ZFHX3: variants seen among roughly 807,000 people sequenced by gnomAD.
ZFHX3 encodes zinc finger homeobox protein 3.
ZFHX3 carries 42 observed loss-of-function variants against 279.1 expected under a neutral mutation model. The ratio of observed to expected loss-of-function variants is 0.15; its 90% CI spans 0.12 to 0.19. The LOEUF (loss-of-function observed/expected upper bound fraction) is 0.19, where lower values mean the gene tolerates loss of function less well. Among genes scored for constraint, ZFHX3 ranks in the 10% least tolerant of loss-of-function variants. The pLI is 1.00. For missense variants in ZFHX3, 4,981 were observed against 4,754.0 expected (o/e 1.05, Z -1.40); for synonymous variants, 2,293 against 1,957.8 (o/e 1.17, Z -4.52).
chr16:73,396,263 T>C (rs1334940768), intron 3 of ZFHX3, among the ~76,000 whole-genome samples: 3 of 152,230 alleles, frequency 2.0e-5, no homozygotes, highest in African/African-American at 4.8e-5. Context: ...CCATGATAAC[T>C]GAAGATTGGC....
intron 3 of ZFHX3, among the ~76,000 whole-genome samples, chr16:72,892,974 G>A (rs1331808516): frequency 3.9e-5 from 6 of 152,074 alleles, no homozygotes; most frequent in Admixed American, 6.6e-5. Flanking sequence ...GCTAGCCCAC[G>A]TCCCTTCCCC....
chr16:73,724,603 C>A (rs1361045637), intron 1 of ZFHX3, among the ~76,000 whole-genome samples: 1 of 152,194 alleles, frequency 6.6e-6, no homozygotes, highest in African/African-American at 2.4e-5. Context: ...CACGAATAGC[C>A]TGTTGTCAGG....
intron 3 of ZFHX3, among the ~76,000 whole-genome samples, chr16:72,907,214 G>A (rs530542880): frequency 3.3e-5 from 5 of 152,228 alleles, no homozygotes; most frequent in African/African-American, 1.2e-4. Flanking sequence ...CTTTCCAGAT[G>A]ACTCTATAAT....
At chr16:72,939,384 G>A (rs1038237275) in intron 3 of ZFHX3, among the ~76,000 whole-genome samples, 14 of 152,150 alleles carry the variant, frequency 9.2e-5, no homozygotes, top group Admixed American at 7.9e-4. Context: ...AGCCCTGTTC[G>A]AAACCAGCAA....
intron 2 of ZFHX3, among the ~76,000 whole-genome samples, chr16:73,483,832 A>T (rs2143632180): frequency 6.6e-6 from 1 of 152,172 alleles, no homozygotes; most frequent in South Asian, 2.1e-4. Context: ...TTATGAAGAA[A>T]AATGGACCGA....
At chr16:73,503,726 G>C (rs903209654) in intron 2 of ZFHX3, among the ~76,000 whole-genome samples, 1 of 152,204 alleles carries the variant, frequency 6.6e-6, no homozygotes, top group African/African-American at 2.4e-5. Flanking sequence ...AGAGAAACGT[G>C]GGGGAGGCTT....
intron 5 of ZFHX3, among the ~76,000 whole-genome samples, chr16:73,175,209 G>A (rs1170876063): frequency 4.6e-5 from 7 of 151,932 alleles, no homozygotes; most frequent in African/African-American, 7.3e-5. Flanking sequence ...GTGAAACCCT[G>A]TCTCTACTAA....
At chr16:73,821,161 A>G (rs1023372311) in intron 1 of ZFHX3, among the ~76,000 whole-genome samples, 2 of 152,208 alleles carry the variant, frequency 1.3e-5, no homozygotes, top group Non-Finnish European at 2.9e-5. Flanking sequence ...GACAGAAGAC[A>G]TGGAAGCAGA....
intron 7 of ZFHX3, among the ~76,000 whole-genome samples, chr16:72,805,638 A>G (rs1367619073): frequency 6.6e-6 from 1 of 152,178 alleles, no homozygotes; most frequent in Admixed American, 6.5e-5. Flanking sequence ...GCTAGTTGGT[A>G]TATCTAAAGC....
At chr16:72,792,221 G>C (rs2035731836) in intron 9 of ZFHX3, among the ~76,000 whole-genome samples, 1 of 152,218 alleles carries the variant, frequency 6.6e-6, no homozygotes, top group African/African-American at 2.4e-5. Context: ...CAACAAATAT[G>C]TATGATTCTC....
At chr16:73,650,729 T>C (rs116908874) in intron 2 of ZFHX3, among the ~76,000 whole-genome samples, 4,513 of 152,214 alleles carry the variant, frequency 0.03, 101 homozygotes, top group Non-Finnish European at 0.045. Flanking sequence ...ACAAATTCAA[T>C]TTAGGGTGGT....
intron 3 of ZFHX3, among the ~76,000 whole-genome samples, chr16:73,334,807 A>ATTATTTTT (rs1224756669): frequency 7.0e-5 from 2 of 28,496 alleles, no homozygotes; most frequent in African/African-American, 2.8e-4. Flanking sequence ...TTTCTTTCTC[A>ATTATTTTT]TTCTTTTTTT....
intron 4 of ZFHX3, among the ~76,000 whole-genome samples, chr16:72,833,974 G>T (rs188192058): frequency 2.0e-3 from 300 of 152,300 alleles, no homozygotes; most frequent in Non-Finnish European, 3.4e-3. Context: ...GGCTGGGCAT[G>T]GTGGCTCATG....
intron 1 of ZFHX3, among the ~76,000 whole-genome samples, chr16:73,851,974 G>A (rs1194088172): frequency 6.6e-6 from 1 of 152,098 alleles, no homozygotes; most frequent in African/African-American, 2.4e-5. Flanking sequence ...CATATCCAAA[G>A]CCATCTCTTA....
At chr16:73,496,998 AG>A (rs2019152903) in intron 2 of ZFHX3, among the ~76,000 whole-genome samples, 1 of 152,166 alleles carries the variant, frequency 6.6e-6, no homozygotes, top group East Asian at 1.9e-4. Context: ...TTGTTCCTTC[AG>A]GCTGAGGGTG....
Position 72,957,566 on chromosome 16 carries a change from C to T in ZFHX3, c.2580G>A (p.Glu860=), listed in dbSNP as rs1319058689. 3 of 1,614,178 alleles carry T rather than the reference C, an allele frequency of 1.9e-6. No individual in the cohort carries two copies. Among genetic ancestry groups the T allele is most frequent in the Admixed American group, 3.3e-5 (2 of 60,030 alleles). ...LGSLPSPAEA[E]LYQYYLAQNM... is the part of the protein sequence containing the mutation. Reference sequence around the variant, plus strand: ...TCTGGGCCAGGTAGTATTGGTAGAGCTCGGCCTCGGCGGGTGAGGGCAGGC... The same window carrying T: ...TCTGGGCCAGGTAGTATTGGTAGAGTTCGGCCTCGGCGGGTGAGGGCAGGC... Residue 860 remains glutamate (E), a synonymous_variant, in exon 2 of 10, where the codon GAG becomes GAA. Transcript: ENST00000268489.
rs193287903 is a variant in ZFHX3 at position 73,084,208 on chromosome 16, A to G, written c.-533+9027T>C. Among the ~76,000 whole-genome samples, 20 of 152,332 alleles carry G rather than the reference A, an allele frequency of 1.3e-4. No homozygotes were observed. In the East Asian group the frequency reaches 2.7e-3, roughly 21 times the overall value. The stretch of plus-strand genomic sequence containing the variant: ...CAAGAAAAGAATGCACACTTTCACC[A>G]TTTTTATTCTTGACAAAGTTGAAGT... On this transcript the variant is annotated intron_variant, in intron 8 of 17. Transcript: ENST00000641206.
chr16:72,938,800 T>G lies in ZFHX3; in HGVS notation c.3216+11669A>C, dbSNP rs570052908. 1.6e-4 allele frequency among the ~76,000 whole-genome samples: 24 copies of G among 152,260 alleles called. No homozygotes were observed. The South Asian group carries it at 4.6e-3, about 29-fold the overall frequency. The stretch of plus-strand genomic sequence containing the variant: ...TCAGAGCTCTTGTCCCTGGAGGAGT[T>G]GTTTGGTCTTCCTCCGCTGACAGCT... On this transcript the variant is annotated intron_variant, in intron 3 of 9. Transcript: ENST00000268489.
intron 4 of ZFHX3, among the ~76,000 whole-genome samples, chr16:72,874,054 G>A (rs928014385): frequency 2.6e-5 from 4 of 152,154 alleles, no homozygotes; most frequent in African/African-American, 9.7e-5. Context: ...ACAGTCATAT[G>A]ATGCAGTCCC....
Sources: allele counts gnomAD v4.1 joint callset (sites outside exome capture counted in the v4.1 genomes callset), GRCh38; gene constraint gnomAD v4.1.1; transcripts MANE v1.5; gene names NCBI Gene and HGNC (gene_info 2026-07-23, HGNC 2026-07-21).